The following MREG variants were observed in gnomAD, a reference collection of about 807,000 sequenced individuals.
MREG encodes the protein melanoregulin, also known as dilute suppressor protein homolog.
A neutral mutation model predicts 28.5 loss-of-function variants in MREG; 31 were observed. That is an observed-to-expected ratio of 1.09 (90% CI 0.82 to 1.47). The LOEUF (loss-of-function observed/expected upper bound fraction) is 1.47. Ranked by LOEUF, MREG falls within the 40% of genes most tolerant of loss-of-function variation. The pLI is 0.00. For synonymous variants in MREG, 106 were observed against 95.2 expected, an observed-to-expected ratio of 1.11 and a Z score of -0.66; for missense variants, 256 against 257.4, an observed-to-expected ratio of 0.99 and a Z score of 0.04.
upstream of MREG, among the ~76,000 whole-genome samples, chr2:216,033,322 G>A (rs575642072): frequency 2.5e-4 from 38 of 152,094 alleles, no homozygotes; most frequent in South Asian, 5.8e-3. Flanking sequence ...CCATTATCAC[G>A]TTGAATAAAA....
At chr2:216,007,218 C>T (rs906274001) in intron 1 of MREG, among the ~76,000 whole-genome samples, 1 of 152,070 alleles carries the variant, frequency 6.6e-6, no homozygotes, top group East Asian at 1.9e-4. Flanking sequence ...TCAAAATTTA[C>T]CTGTAACCCC....
At chr2:216,005,267 C>T (rs1295701438) in intron 1 of MREG, among the ~76,000 whole-genome samples, 2 of 152,046 alleles carry the variant, frequency 1.3e-5, no homozygotes, top group African/African-American at 2.4e-5. Flanking sequence ...TGAGAACACA[C>T]AGTTTGATCC....
At chr2:216,030,952 T>TCACA (rs1219324655) in intron 1 of MREG, among the ~76,000 whole-genome samples, 177 of 106,980 alleles carry the variant, frequency 1.7e-3, no homozygotes, top group Non-Finnish European at 2.7e-3. Context: ...TCTCTCTCTC[T>TCACA]CTCTCACACA....
At chr2:216,010,348 A>ATTTTT (rs1405422677) in intron 1 of MREG, among the ~76,000 whole-genome samples, 3 of 101,354 alleles carry the variant, frequency 3.0e-5, no homozygotes, top group African/African-American at 1.2e-4. Flanking sequence ...GAAAGAAAAG[A>ATTTTT]TTTCTCTTTT....
chr2:215,946,460 A>ATTT (rs35112205), intron 3 of MREG, among the ~76,000 whole-genome samples: 150,792 of 152,180 alleles, frequency 0.99, 74,710 homozygotes, highest in East Asian at 1. Flanking sequence ...AAGCAGGATT[A>ATTT]TATAATGTGG....
At chr2:216,006,688 A>T (rs563648215) in intron 1 of MREG, among the ~76,000 whole-genome samples, 1 of 152,368 alleles carries the variant, frequency 6.6e-6, no homozygotes, top group South Asian at 2.1e-4. Context: ...CGTACTCGTC[A>T]ACTTTCTAAA....
At chr2:216,030,013 A>G (rs1403820999) in intron 1 of MREG, among the ~76,000 whole-genome samples, 1 of 152,180 alleles carries the variant, frequency 6.6e-6, no homozygotes, top group Non-Finnish European at 1.5e-5. Context: ...TCCCACTGTG[A>G]GCCCCATCTT....
intron 4 of MREG, 34 bp from the exon 5 acceptor site, chr2:215,945,031 G>A: frequency 6.5e-7 from 1 of 1,537,956 alleles, no homozygotes; most frequent in South Asian, 1.2e-5. Flanking sequence ...AAAAACTGCT[G>A]GCAAGATAGG....
rs74792247 is a variant in MREG, at chr2:215,979,870, A to G, written c.255+16436T>C. Reference sequence around the variant, plus strand: ...ATTAACCCCTGGTGTTTCAAAATGTATATGTCATCGACTGTGATTTTTTAA... The same window carrying G: ...ATTAACCCCTGGTGTTTCAAAATGTGTATGTCATCGACTGTGATTTTTTAA... On this transcript the variant is annotated intron_variant, in intron 2 of 4. Coordinates refer to ENST00000263268, the MANE Select transcript of MREG (RefSeq NM_018000.3). Among the ~76,000 whole-genome samples the G allele has an allele frequency of 2.6e-3, 389 of 151,390 alleles. 1 individual carries two copies. Among genetic ancestry groups the G allele is most frequent in the African/African-American group, 8.9e-3 (363 of 40,994 alleles).
chr2:215,949,894 G>A (rs893954571), intron 2 of MREG, among the ~76,000 whole-genome samples: 1 of 152,024 alleles, frequency 6.6e-6, no homozygotes, highest in African/African-American at 2.4e-5. Flanking sequence ...TTTCTTTCCT[G>A]TCTTATTCTA....
At chr2:215,954,706 A>AT (rs776870197) in intron 2 of MREG, among the ~76,000 whole-genome samples, 10,100 of 144,832 alleles carry the variant, frequency 0.07, 666 homozygotes, top group African/African-American at 0.18. Context: ...TCACTATTTT[A>AT]TTTTTTTTTT....
At chr2:215,955,378 G>A (rs907521571) in intron 2 of MREG, among the ~76,000 whole-genome samples, 1 of 152,138 alleles carries the variant, frequency 6.6e-6, no homozygotes, top group African/African-American at 2.4e-5. Context: ...TATCACTGTT[G>A]AAAAGCATTA....
At chr2:215,940,874 A>G (rs1463872157), downstream of MREG, among the ~76,000 whole-genome samples, 1 of 152,188 alleles carries the variant, frequency 6.6e-6, no homozygotes, top group Non-Finnish European at 1.5e-5. Flanking sequence ...TGTGTCCATC[A>G]TAAATATTTT....
chr2:215,980,870 C>G (rs1477952816), intron 2 of MREG, among the ~76,000 whole-genome samples: 26 of 77,724 alleles, frequency 3.3e-4, no homozygotes, highest in African/African-American at 1.1e-3. Context: ...GAGGGGAGGG[C>G]AGGGCAGGGC....
At chr2:216,011,514 C>T (rs2106034742) in intron 1 of MREG, among the ~76,000 whole-genome samples, 1 of 152,326 alleles carries the variant, frequency 6.6e-6, no homozygotes, top group South Asian at 2.1e-4. Context: ...CTATTATCAT[C>T]CCCATTTTAC....
At chr2:215,954,904 T>G (rs1046062405) in intron 2 of MREG, among the ~76,000 whole-genome samples, 1 of 152,208 alleles carries the variant, frequency 6.6e-6, no homozygotes, top group Non-Finnish European at 1.5e-5. Context: ...AGTCTCATCA[T>G]GTTGGTCAGG....
chr2:216,007,633 T>C (rs1694194983), intron 1 of MREG, among the ~76,000 whole-genome samples: 1 of 152,078 alleles, frequency 6.6e-6, no homozygotes, highest in Non-Finnish European at 1.5e-5. Context: ...TTTCACCACG[T>C]TGGCCAGGCT....
At chr2:216,020,901 G>A (rs1362125478) in intron 1 of MREG, among the ~76,000 whole-genome samples, 1 of 152,164 alleles carries the variant, frequency 6.6e-6, no homozygotes, top group African/African-American at 2.4e-5. Flanking sequence ...TAGAAAACTG[G>A]TGACCTCACC....
chr2:215,943,606 C>G lies in MREG; in HGVS notation c.*1257G>C. 2.4e-6 allele frequency: 1 copy of G among 412,826 alleles called. No homozygotes were observed. Among genetic ancestry groups the G allele is most frequent in the Non-Finnish European group, 4.9e-6 (1 of 205,602 alleles). The allele number at this position is 412,826 out of a possible 1,614,324, so 25.6% of individuals were successfully genotyped here. On this transcript the variant is annotated 3_prime_UTR_variant, in exon 5 of 5. Transcript: ENST00000263268. The stretch of plus-strand genomic sequence containing the variant: ...CCTGTAATCCCAGCACTTTGGGAGG[C>G]TGGGGCAGGCGGATGACGAGGTCAG...
Sources: gnomAD v4.1 joint callset for allele counts (sites outside exome capture counted in the v4.1 genomes callset) on GRCh38, gnomAD v4.1.1 for gene constraint, MANE v1.5 for transcripts, NCBI Gene and HGNC (gene_info 2026-07-23, HGNC 2026-07-21) for gene names.